The following PACSIN2 variants were observed in gnomAD, a reference collection of about 807,000 sequenced individuals.
PACSIN2 encodes the protein protein kinase C and casein kinase substrate in neurons protein 2.
PACSIN2 carries 25 observed loss-of-function variants against 63.8 expected under a neutral mutation model. That is an observed-to-expected ratio of 0.39 (90% confidence interval 0.29 to 0.55). PACSIN2 has a LOEUF of 0.55. Among genes scored for constraint, PACSIN2 ranks in the 20% least tolerant of loss-of-function variants. The probability of loss-of-function intolerance (pLI) is 0.62; values close to 1 mark genes in which losing one functional copy is unlikely to be tolerated. For synonymous variants in PACSIN2, 255 were observed against 256.2 expected, an observed-to-expected ratio of 1.00 and a Z score of 0.05; for missense variants, 518 against 646.9, an observed-to-expected ratio of 0.80 and a Z score of 2.16.
chr22:42,921,126 G>C (rs1408330733), intron 1 of PACSIN2, among the ~76,000 whole-genome samples: 1 of 151,986 alleles, frequency 6.6e-6, no homozygotes, highest in Non-Finnish European at 1.5e-5. Flanking sequence ...TTGGGAGGCC[G>C]AGAAGGGCAG....
intron 1 of PACSIN2, among the ~76,000 whole-genome samples, chr22:42,922,893 C>A (rs1932288029): frequency 6.6e-6 from 1 of 152,102 alleles, no homozygotes; most frequent in Admixed American, 6.5e-5. Context: ...AGAAGTAGGG[C>A]ACTCTAAAAG....
chr22:42,886,390 T>C (rs1482799494), intron 5 of PACSIN2, among the ~76,000 whole-genome samples: 1 of 152,046 alleles, frequency 6.6e-6, no homozygotes, highest in Non-Finnish European at 1.5e-5. Flanking sequence ...AAAGTACATG[T>C]GCAACCAGTC....
At chr22:42,949,151 T>C (rs1933565717) in intron 1 of PACSIN2, among the ~76,000 whole-genome samples, 1 of 152,178 alleles carries the variant, frequency 6.6e-6, no homozygotes, top group South Asian at 2.1e-4. Context: ...ATTTCTTAAA[T>C]AATAGGTGCA....
chr22:42,990,775 C>A (rs1389078955), intron 1 of PACSIN2, among the ~76,000 whole-genome samples: 1 of 152,074 alleles, frequency 6.6e-6, no homozygotes, highest in Admixed American at 6.5e-5. Context: ...CAGTCCGACC[C>A]CTCCCCGTTG....
At chr22:42,998,044 C>A (rs1459691379) in intron 1 of PACSIN2, among the ~76,000 whole-genome samples, 1 of 152,088 alleles carries the variant, frequency 6.6e-6, no homozygotes, top group Non-Finnish European at 1.5e-5. Flanking sequence ...AGGAGCCAGC[C>A]CCAAACATAT....
At chr22:42,985,530 C>T (rs947201755) in intron 1 of PACSIN2, among the ~76,000 whole-genome samples, 5 of 152,218 alleles carry the variant, frequency 3.3e-5, no homozygotes, top group South Asian at 2.1e-4. Flanking sequence ...CTTTACAGCA[C>T]CTAGGTGCAA....
intron 1 of PACSIN2, among the ~76,000 whole-genome samples, chr22:42,968,189 C>T (rs1231215585): frequency 6.6e-6 from 1 of 152,172 alleles, no homozygotes; most frequent in East Asian, 1.9e-4. Flanking sequence ...CACTGCAAGA[C>T]AGCTGTGGGT....
chr22:42,909,709 T>C (rs946412314), intron 2 of PACSIN2: 18 of 395,628 alleles, frequency 4.5e-5, no homozygotes, highest in Non-Finnish European at 7.3e-5. Flanking sequence ...ACTGGACTTG[T>C]TAAAGCTAGT....
At chr22:43,006,845 C>A (rs1258941642) in intron 1 of PACSIN2, among the ~76,000 whole-genome samples, 1 of 152,082 alleles carries the variant, frequency 6.6e-6, no homozygotes, top group African/African-American at 2.4e-5. Context: ...GAAGCAGAAC[C>A]CACACAGCTA....
At chr22:42,900,254 G>A (rs138037794) in intron 2 of PACSIN2, among the ~76,000 whole-genome samples, 11 of 152,228 alleles carry the variant, frequency 7.2e-5, no homozygotes, top group African/African-American at 9.6e-5. Context: ...GTCACAGCTC[G>A]TCTCAAAATT....
intron 1 of PACSIN2, among the ~76,000 whole-genome samples, chr22:42,997,616 A>G (rs1250408354): frequency 1.3e-5 from 2 of 152,018 alleles, no homozygotes; most frequent in Non-Finnish European, 2.9e-5. Flanking sequence ...TTATGAATAC[A>G]TTGAATTGCA....
Position 42,878,297 on chromosome 22 carries a change from C to T in PACSIN2, c.1028+751G>A, listed in dbSNP as rs550453378. Among the ~76,000 whole-genome samples, 98 of 152,346 alleles carry T rather than the reference C, an allele frequency of 6.4e-4. 1 individual carries two copies. The highest frequency in any genetic ancestry group is 2.0e-3 in the African/African-American group (84 of 41,586). The stretch of plus-strand genomic sequence containing the variant: ...GACAGCGTGCAAAGCAGCGGAATGA[C>T]GACAGCCACACCTGCTGGGGAGCCT... On this transcript the variant is annotated intron_variant, in intron 8 of 10. Coordinates refer to ENST00000263246, the MANE Select transcript of PACSIN2 (RefSeq NM_001184970.3).
rs370671698 is a variant in PACSIN2, at chr22:43,007,768, A to G, written c.-78+7253T>C. 2.0e-5 allele frequency among the ~76,000 whole-genome samples: 3 copies of G among 152,352 alleles called. No individual in the cohort carries two copies. In the East Asian group the frequency reaches 5.8e-4, roughly 29 times the overall value. The stretch of plus-strand genomic sequence containing the variant: ...GCTGCCTATACTGAGCTGCCTTTAC[A>G]GAGCAGCCATCATCTTTATCTCAGG... On this transcript the variant is annotated intron_variant, in intron 1 of 10. Transcript: ENST00000263246.
At chr22:42,908,290 C>G (rs1230910712) in intron 2 of PACSIN2, among the ~76,000 whole-genome samples, 1 of 152,176 alleles carries the variant, frequency 6.6e-6, no homozygotes, top group East Asian at 1.9e-4. Flanking sequence ...TAGCCTGGCC[C>G]CCAAGGAGCC....
At chr22:43,005,570 C>T (rs939175335) in intron 1 of PACSIN2, among the ~76,000 whole-genome samples, 4 of 152,104 alleles carry the variant, frequency 2.6e-5, no homozygotes, top group South Asian at 2.1e-4. Flanking sequence ...CAATGACCTG[C>T]GACTACACCC....
At position 42,872,729 on chromosome 22, in the gene PACSIN2, G is replaced by A. The variant is rs572953264; in HGVS notation, c.1349-1260C>T. Among the ~76,000 whole-genome samples the A allele has an allele frequency of 5.9e-5, 9 of 152,348 alleles. 1 individual carries two copies. In the South Asian group the frequency reaches 1.9e-3, roughly 32 times the overall value. On this transcript the variant is annotated intron_variant, in intron 10 of 10. Transcript: ENST00000263246. ...ACTGGGGGTACTGTGAAGATTAAGT[G>A]TTAAGACACTAAAGAACCCTGGGAG...
intron 1 of PACSIN2, among the ~76,000 whole-genome samples, chr22:42,964,666 C>T (rs986058044): frequency 1.3e-5 from 2 of 152,012 alleles, no homozygotes; most frequent in African/African-American, 4.8e-5. Context: ...TACCTGGGTC[C>T]CTGAACTTTG....
chr22:42,941,278 G>A (rs1303268602), intron 1 of PACSIN2, among the ~76,000 whole-genome samples: 1 of 152,150 alleles, frequency 6.6e-6, no homozygotes, highest in African/African-American at 2.4e-5. Context: ...ACCACAATTT[G>A]TTTGCCCATT....
chr22:42,948,060 G>T (rs928546654), intron 1 of PACSIN2, among the ~76,000 whole-genome samples: 2 of 152,220 alleles, frequency 1.3e-5, no homozygotes, highest in Admixed American at 1.3e-4. Context: ...GGTGCCCAGG[G>T]CTGATGTTTC....
Sources: allele counts gnomAD v4.1 joint callset (sites outside exome capture counted in the v4.1 genomes callset), GRCh38; gene constraint gnomAD v4.1.1; transcripts MANE v1.5; gene names NCBI Gene and HGNC (gene_info 2026-07-23, HGNC 2026-07-21).